LMLN: variants seen among roughly 807,000 people sequenced by gnomAD.
LMLN encodes leishmanolysin-like peptidase.
Under a neutral mutation model 92.3 loss-of-function variants are expected in LMLN, and 70 were observed. That is an observed-to-expected ratio of 0.76 (90% CI 0.63 to 0.92). The LOEUF is 0.92. Ranked by LOEUF, LMLN falls within the 40% of genes least tolerant of loss-of-function variation. The pLI is 0.00. For missense variants in LMLN, 691 were observed against 814.6 expected (o/e 0.85, Z 1.85); for synonymous variants, 308 against 296.2 (o/e 1.04, Z -0.41).
rs761896047 is a variant in LMLN, at chr3:197,996,257, A to G, written c.1130A>G (p.Asn377Ser). 7.5e-6 allele frequency: 12 copies of G among 1,600,620 alleles called. No individual in the cohort carries two copies. In the Admixed American group the frequency reaches 1.6e-4, roughly 21 times the overall value. Residue 377 changes from asparagine to serine, a missense_variant, in exon 10 of 16, where the codon AAC (asparagine) becomes AGC (serine). By Grantham distance (46) the Asn-to-Ser change is conservative (BLOSUM62 1). Transcript: ENST00000330198. The stretch of plus-strand genomic sequence containing the variant: ...CAAGGTGGTGTGGGCACTGAGCTCA[A>G]CCATTGGGAAAAAAGGTTATTAGAG...
chr3:197,968,080 A>G (rs566285270), intron 1 of LMLN, among the ~76,000 whole-genome samples: 1 of 152,210 alleles, frequency 6.6e-6, no homozygotes, highest in Non-Finnish European at 1.5e-5. Context: ...TTATACAGTT[A>G]GATACAATTA....
chr3:197,976,698 C>A, exon 5 of LMLN: 1 of 1,536,380 alleles, frequency 6.5e-7, no homozygotes, highest in South Asian at 1.2e-5. Flanking sequence ...CGTTATTGTT[C>A]CTGAGGAACA....
chr3:198,003,403 C>A (rs1722227906), intron 11 of LMLN, among the ~76,000 whole-genome samples: 1 of 152,102 alleles, frequency 6.6e-6, no homozygotes, highest in South Asian at 2.1e-4. Context: ...ATTTTACAAA[C>A]CTTTTGTTTC....
intron 1 of LMLN, among the ~76,000 whole-genome samples, chr3:197,962,129 T>C (rs1720920536): frequency 1.3e-5 from 2 of 152,138 alleles, no homozygotes; most frequent in South Asian, 4.1e-4. Flanking sequence ...TCCTGTCCTG[T>C]GCCAGTCTCC....
intron 14 of LMLN, among the ~76,000 whole-genome samples, chr3:198,033,591 G>A (rs373250184): frequency 3.3e-5 from 5 of 151,878 alleles, no homozygotes; most frequent in Non-Finnish European, 5.9e-5. Flanking sequence ...TAGTAGAGAC[G>A]GGGTTTCACC....
intron 8 of LMLN, among the ~76,000 whole-genome samples, chr3:197,987,622 G>A (rs902982971): frequency 3.3e-5 from 5 of 152,172 alleles, no homozygotes; most frequent in African/African-American, 7.2e-5. Context: ...GATATCCATC[G>A]TAATTTTCTA....
chr3:198,029,912 G>A (rs1723033994), intron 14 of LMLN, among the ~76,000 whole-genome samples: 1 of 151,550 alleles, frequency 6.6e-6, no homozygotes, highest in Admixed American at 6.6e-5. Context: ...ATGATCCCTC[G>A]GCTCACTGCA....
chr3:197,962,742 T>C lies in LMLN; in HGVS notation c.219+2302T>C, dbSNP rs143850916. Among the ~76,000 whole-genome samples, 139 of 152,014 alleles carry C rather than the reference T, an allele frequency of 9.1e-4. 2 individuals are homozygous for C. Among genetic ancestry groups the C allele is most frequent in the Middle Eastern group, 6.8e-3 (2 of 294 alleles). On this transcript the variant is annotated intron_variant, in intron 1 of 15. Transcript: ENST00000330198. ...TTCATCTGAAATTAATTTTTATATATGATGTGAGATAGGGGATCAATATCC... is the reference window on the plus strand; with the variant it reads ...TTCATCTGAAATTAATTTTTATATACGATGTGAGATAGGGGATCAATATCC...
At chr3:198,014,979 C>G (rs1202040879) in intron 11 of LMLN, among the ~76,000 whole-genome samples, 46 of 133,660 alleles carry the variant, frequency 3.4e-4, no homozygotes, top group African/African-American at 1.0e-3. Flanking sequence ...TGACTTCTCT[C>G]CACCGTTCAG....
intron 14 of LMLN, 100 bp from the exon 16 acceptor site, chr3:198,035,733 A>C: frequency 2.2e-6 from 2 of 922,928 alleles, no homozygotes; most frequent in Non-Finnish European, 3.2e-6. Flanking sequence ...GTTTTTAGTA[A>C]GTTTTAATAT....
intron 11 of LMLN, among the ~76,000 whole-genome samples, chr3:198,009,941 T>C (rs1200553153): frequency 6.6e-6 from 1 of 152,056 alleles, no homozygotes; most frequent in African/African-American, 2.4e-5. Context: ...TCCTATGGGG[T>C]CTGTTGTGAT....
intron 5 of LMLN, among the ~76,000 whole-genome samples, chr3:197,979,881 G>A (rs1721508368): frequency 6.6e-6 from 1 of 152,128 alleles, no homozygotes; most frequent in African/African-American, 2.4e-5. Context: ...TTAACAAGAT[G>A]TGGATTGCAT....
chr3:197,991,262 CCCAGCTAA>C (rs1262803356), intron 9 of LMLN, among the ~76,000 whole-genome samples: 1 of 151,856 alleles, frequency 6.6e-6, no homozygotes, highest in Non-Finnish European at 1.5e-5. Flanking sequence ...CACCACCACG[CCCAGCTAA>C]TTTTGTTTAT....
intron 3 of LMLN, among the ~76,000 whole-genome samples, chr3:197,975,535 A>T (rs1226238548): frequency 2.6e-5 from 4 of 152,118 alleles, no homozygotes; most frequent in Non-Finnish European, 5.9e-5. Flanking sequence ...ACATGCACGC[A>T]CACATGCACA....
intron 11 of LMLN, among the ~76,000 whole-genome samples, chr3:198,014,306 T>A (rs1316362668): frequency 7.5e-6 from 1 of 132,484 alleles, no homozygotes; most frequent in African/African-American, 3.1e-5. Context: ...CTAGTCTGAC[T>A]TCTCTCCACC....
intron 11 of LMLN, among the ~76,000 whole-genome samples, chr3:198,011,074 G>T (rs1210477789): frequency 2.0e-5 from 3 of 151,882 alleles, no homozygotes; most frequent in Non-Finnish European, 4.4e-5. Context: ...AATTTGTTCA[G>T]GTTTGTTTTA....
intron 6 of LMLN, among the ~76,000 whole-genome samples, chr3:197,982,771 A>G (rs79963384): frequency 6.6e-6 from 1 of 152,396 alleles, no homozygotes; most frequent in East Asian, 1.9e-4. Flanking sequence ...ATAGAGGAGA[A>G]TAAAAGAGGA....
At chr3:197,962,464 A>C (rs1452482321) in intron 1 of LMLN, among the ~76,000 whole-genome samples, 1 of 152,154 alleles carries the variant, frequency 6.6e-6, no homozygotes, top group Non-Finnish European at 1.5e-5. Flanking sequence ...ATTTTTGTGG[A>C]TATATGTTTT....
At chr3:198,007,307 T>C (rs974929702) in intron 11 of LMLN, among the ~76,000 whole-genome samples, 14 of 152,238 alleles carry the variant, frequency 9.2e-5, no homozygotes, top group African/African-American at 3.4e-4. Context: ...AGTTTTGTAG[T>C]TTACACTTTA....
Sources: allele counts gnomAD v4.1 joint callset (sites outside exome capture counted in the v4.1 genomes callset), GRCh38; gene constraint gnomAD v4.1.1; transcripts MANE v1.5; gene names NCBI Gene and HGNC (gene_info 2026-07-23, HGNC 2026-07-21).